NECTIN1: variants seen among roughly 807,000 people sequenced by gnomAD.
The protein encoded by NECTIN1 is nectin-1.
A neutral mutation model predicts 48.0 loss-of-function variants in NECTIN1; 23 were observed. The observed-to-expected ratio is 0.48, with a 90% confidence interval of 0.34 to 0.68. NECTIN1 has a LOEUF of 0.68. NECTIN1 is among the 30% of genes least tolerant of loss of function. The pLI is 0.01. For synonymous variants in NECTIN1, 270 were observed against 288.9 expected (o/e 0.93, Z 0.66); for missense variants, 591 against 709.9 (o/e 0.83, Z 1.90).
intron 7 of NECTIN1, chr11:119,638,297 C>T (rs761966012): frequency 6.2e-7 from 1 of 1,609,518 alleles, no homozygotes; most frequent in Non-Finnish European, 8.5e-7. Flanking sequence ...TGCCCCTGCT[C>T]CAGGTGGCCC....
In NECTIN1 at chr11:119,678,039, G is replaced by A. The variant is rs1246415784; in HGVS notation, c.431-182C>T. Among the ~76,000 whole-genome samples, 1 of 152,200 alleles carries A rather than the reference G, an allele frequency of 6.6e-6. No individual in the cohort carries two copies. The highest frequency in any genetic ancestry group is 1.5e-5 in the Non-Finnish European group (1 of 68,032). On this transcript the variant is annotated intron_variant, in intron 2 of 5. Coordinates refer to ENST00000264025, the MANE Select transcript of NECTIN1 (RefSeq NM_002855.5). This position sits in a 1 kb window ranked among gnomAD's most constrained non-coding sequence, Gnocchi z 4.4. ...TTGCAGGAAGTTCATCATGTCTAAC[G>A]TTATGTCCTCCCTGCCCTACTAGTC...
chr11:119,648,725 T>C (rs1364573373), intron 5 of NECTIN1, among the ~76,000 whole-genome samples: 2 of 151,824 alleles, frequency 1.3e-5, no homozygotes, highest in Non-Finnish European at 2.9e-5. Flanking sequence ...TGTGGGAGTG[T>C]CTGGGGTCTT....
intron 1 of NECTIN1, among the ~76,000 whole-genome samples, chr11:119,701,690 G>C (rs1865455647): frequency 6.6e-6 from 1 of 152,168 alleles, no homozygotes; most frequent in African/African-American, 2.4e-5. Context: ...ATGTTAATTA[G>C]TTCTGACAAA....
chr11:119,698,806 T>G (rs1017085981), intron 1 of NECTIN1, among the ~76,000 whole-genome samples: 2 of 152,310 alleles, frequency 1.3e-5, no homozygotes, highest in South Asian at 2.1e-4. Flanking sequence ...GAAACTGATA[T>G]GTGGGTACCC....
rs1865598047 is a variant in NECTIN1 at position 119,709,362 on chromosome 11, C to G, written c.79+19113G>C. On this transcript the variant is annotated intron_variant, in intron 1 of 5. Transcript: ENST00000264025. This position sits in a 1 kb window ranked among gnomAD's most constrained non-coding sequence, Gnocchi z 4.1. The stretch of plus-strand genomic sequence containing the variant: ...CTCCACATCCGGGCCCAGGGCGCCT[C>G]TGTCTGCCACGCACTTGCCTGGGCC... Among the ~76,000 whole-genome samples, 1 of 152,192 alleles carries G rather than the reference C, an allele frequency of 6.6e-6. No homozygotes were observed. The highest frequency in any genetic ancestry group is 1.5e-5 in the Non-Finnish European group (1 of 68,022).
intron 1 of NECTIN1, among the ~76,000 whole-genome samples, chr11:119,714,810 C>G (rs1226844477): frequency 6.6e-6 from 1 of 152,074 alleles, no homozygotes; most frequent in Non-Finnish European, 1.5e-5. Context: ...GAGGGCCCAC[C>G]CACACTGCCT....
chr11:119,705,512 G>A (rs1377204687), intron 1 of NECTIN1, among the ~76,000 whole-genome samples: 1 of 152,216 alleles, frequency 6.6e-6, no homozygotes, highest in Non-Finnish European at 1.5e-5. Context: ...CACCTGGGAG[G>A]AGATATTCCA....
intron 1 of NECTIN1, chr11:119,713,729 A>G (rs1265468096): frequency 4.8e-6 from 2 of 414,256 alleles, no homozygotes; most frequent in Admixed American, 2.7e-5. Context: ...AGGGGCAGTC[A>G]TGTCCTCTGG....
intron 5 of NECTIN1, among the ~76,000 whole-genome samples, chr11:119,650,978 A>G (rs945488096): frequency 4.6e-5 from 7 of 152,124 alleles, no homozygotes; most frequent in African/African-American, 1.7e-4. Context: ...TCCCCATTTG[A>G]GAGTTGGGGA....
chr11:119,641,452 C>T (rs532947303), intron 5 of NECTIN1: 1 of 152,260 alleles, frequency 6.6e-6, no homozygotes, highest in African/African-American at 2.4e-5. Context: ...CTTTCACGAC[C>T]TGGTTCCTGG....
Position 119,662,260 on chromosome 11 carries a change from C to T in NECTIN1, c.*2487G>A. 2.0e-6 allele frequency: 2 copies of T among 985,654 alleles called. No individual in the cohort carries two copies. Among genetic ancestry groups the T allele is most frequent in the Non-Finnish European group, 2.4e-6 (2 of 829,960 alleles). 61.1% of individuals were successfully genotyped at this position (985,654 alleles called of 1,614,324 possible). On this transcript the variant is annotated 3_prime_UTR_variant, in exon 6 of 6. Coordinates refer to ENST00000264025, the MANE Select transcript of NECTIN1 (RefSeq NM_002855.5). This position sits in a 1 kb window ranked among gnomAD's most constrained non-coding sequence, Gnocchi z 5.3. ...TGCCAGCTGGCTGTGTCTGTGGGCC[C>T]AGCAGTAGTGCCCACCTTCCCACAA...
Position 119,648,277 on chromosome 11 carries a change from ATGG to A in NECTIN1, c.1004-8268_1004-8266del, listed in dbSNP as rs1328646018. On this transcript the variant is annotated intron_variant, in intron 5 of 7. Transcript: ENST00000341398. ...AGAGGTGGTAATAGTGGTGGTGGTG[ATGG>A]TGGTGGTGATGGTGGTGGTGGTGGT... 4.1e-3 allele frequency among the ~76,000 whole-genome samples: 103 copies of A among 24,992 alleles called. 6 individuals are homozygous for A. The East Asian group carries it at 0.05, about 12-fold the overall frequency. The allele number at this position is 24,992 out of a possible 152,430, so 16.4% of individuals were successfully genotyped here. A position where few individuals can be genotyped will look rare whatever the true frequency, so the allele number is the denominator to read the frequency against.
intron 1 of NECTIN1, among the ~76,000 whole-genome samples, chr11:119,695,008 C>CT (rs1865319630): frequency 6.6e-6 from 1 of 152,158 alleles, no homozygotes; most frequent in Admixed American, 6.5e-5. Flanking sequence ...GAGGCTCCTA[C>CT]TGTCTCTTAT....
intron 1 of NECTIN1, among the ~76,000 whole-genome samples, chr11:119,691,600 A>C (rs1865253579): frequency 6.6e-6 from 1 of 152,224 alleles, no homozygotes; most frequent in Non-Finnish European, 1.5e-5. Flanking sequence ...AGTGCCCAGA[A>C]GGCTGAAAGG....
intron 1 of NECTIN1, among the ~76,000 whole-genome samples, chr11:119,719,065 C>A (rs950678150): frequency 6.6e-6 from 1 of 152,242 alleles, no homozygotes; most frequent in African/African-American, 2.4e-5. Context: ...CTTTGGATTG[C>A]GACCCTTCAG....
chr11:119,708,273 A>G (rs1865580997), intron 1 of NECTIN1, among the ~76,000 whole-genome samples: 1 of 152,100 alleles, frequency 6.6e-6, no homozygotes, highest in South Asian at 2.1e-4. Flanking sequence ...AAGAGGAAAG[A>G]GTGTCTTTAA....
chr11:119,699,348 G>T (rs1201039349), intron 1 of NECTIN1, among the ~76,000 whole-genome samples: 4 of 120,058 alleles, frequency 3.3e-5, no homozygotes, highest in African/African-American at 1.3e-4. Context: ...GTCCTCAAGG[G>T]AACTCTGGGA....
Position 119,709,217 on chromosome 11 carries a change from A to G in NECTIN1, c.79+19258T>C, listed in dbSNP as rs1865595995. Among the ~76,000 whole-genome samples the G allele has an allele frequency of 6.6e-6, 1 of 152,170 alleles. No individual in the cohort carries two copies. Among genetic ancestry groups the G allele is most frequent in the Non-Finnish European group, 1.5e-5 (1 of 68,032 alleles). On this transcript the variant is annotated intron_variant, in intron 1 of 5. Transcript: ENST00000264025. This position sits in a 1 kb window ranked among gnomAD's most constrained non-coding sequence, Gnocchi z 4.1. ...AAGAGGCTTTGCCATAGATGGGGAA[A>G]TTAGGGCAGAAAATAACACCGTGAA...
chr11:119,679,042 A>G (rs1865014316), intron 1 of NECTIN1, among the ~76,000 whole-genome samples: 1 of 152,186 alleles, frequency 6.6e-6, no homozygotes, highest in Non-Finnish European at 1.5e-5. Context: ...CCATCTATCT[A>G]TTTTAAAAAG....
Sources: allele counts gnomAD v4.1 joint callset (sites outside exome capture counted in the v4.1 genomes callset), GRCh38; gene constraint gnomAD v4.1.1; non-coding constraint Gnocchi (gnomAD v3.1); transcripts MANE v1.5; gene names NCBI Gene and HGNC (gene_info 2026-07-23, HGNC 2026-07-21).